Variants in DNER observed in about 807,000 individuals in gnomAD.
DNER encodes the protein delta/notch like EGF repeat containing.
DNER carries 33 observed loss-of-function variants against 78.2 expected under a neutral mutation model. The ratio of observed to expected loss-of-function variants is 0.42; its 90% CI spans 0.32 to 0.56. DNER has a LOEUF of 0.56. DNER is among the 20% of genes least tolerant of loss of function. The pLI is 0.11. For missense variants in DNER, 918 were observed against 975.3 expected, an observed-to-expected ratio of 0.94 and a Z score of 0.78; for synonymous variants, 417 against 384.8, an observed-to-expected ratio of 1.08 and a Z score of -0.98.
chr2:229,681,305 G>C (rs1699383163), intron 1 of DNER, among the ~76,000 whole-genome samples: 1 of 152,166 alleles, frequency 6.6e-6, no homozygotes, highest in Non-Finnish European at 1.5e-5. Context: ...CCACCCCAAG[G>C]TTCTAACACT....
At chr2:229,573,645 T>G (rs1251830501) in intron 4 of DNER, among the ~76,000 whole-genome samples, 1 of 152,146 alleles carries the variant, frequency 6.6e-6, no homozygotes, top group Non-Finnish European at 1.5e-5. Flanking sequence ...TTCAGGAGAT[T>G]GTAGTGGAAA....
At chr2:229,474,136 C>T (rs1441365836) in intron 7 of DNER, among the ~76,000 whole-genome samples, 4 of 152,116 alleles carry the variant, frequency 2.6e-5, no homozygotes, top group African/African-American at 9.7e-5. Flanking sequence ...GTACTCCTGG[C>T]CTGCAGTGAT....
chr2:229,419,509 G>T (rs1247464068), intron 8 of DNER, among the ~76,000 whole-genome samples: 1 of 152,164 alleles, frequency 6.6e-6, no homozygotes, highest in Non-Finnish European at 1.5e-5. Flanking sequence ...AACTCAGAAA[G>T]TCCCATTAGA....
At chr2:229,414,238 C>A (rs1377180594) in intron 9 of DNER, among the ~76,000 whole-genome samples, 1 of 152,132 alleles carries the variant, frequency 6.6e-6, no homozygotes, top group African/African-American at 2.4e-5. Flanking sequence ...TTATTTAAAC[C>A]TAAACCTAAA....
intron 4 of DNER, among the ~76,000 whole-genome samples, chr2:229,565,325 T>G (rs1697084298): frequency 6.6e-6 from 1 of 152,162 alleles, no homozygotes; most frequent in Admixed American, 6.6e-5. Flanking sequence ...TAAAAATTAT[T>G]GCTAGAATTT....
chr2:229,591,467 T>G lies in DNER; in HGVS notation c.585+113A>C. 7.7e-7 allele frequency: 1 copy of G among 1,306,040 alleles called. No individual in the cohort carries two copies. The highest frequency in any genetic ancestry group is 1.0e-6 in the Non-Finnish European group (1 of 969,960). 80.9% of individuals were successfully genotyped at this position (1,306,040 alleles called of 1,614,324 possible). On this transcript the variant is annotated intron_variant, in intron 2 of 12. Transcript: ENST00000341772. This position sits in a 1 kb window ranked among gnomAD's most constrained non-coding sequence, Gnocchi z 4.6. ...AATAAGTTTAGGGAGATATTTTGCT[T>G]CGTGATTTAACTTAAAATGCTTTCA...
At chr2:229,611,316 A>C (rs899731187) in intron 1 of DNER, among the ~76,000 whole-genome samples, 27 of 152,258 alleles carry the variant, frequency 1.8e-4, no homozygotes, top group Non-Finnish European at 3.8e-4. Flanking sequence ...GGCCTGAAGC[A>C]CTATAAAAAA....
intron 6 of DNER, among the ~76,000 whole-genome samples, chr2:229,499,532 A>G (rs1040930742): frequency 1.3e-5 from 2 of 152,046 alleles, no homozygotes; most frequent in East Asian, 1.9e-4. Flanking sequence ...ATCCACATGC[A>G]GAAGAATGAA....
At chr2:229,588,271 C>G (rs1697536417) in intron 3 of DNER, 123 bp downstream of exon 3, 2 of 807,950 alleles carry the variant, frequency 2.5e-6, no homozygotes. Context: ...CACATCTACC[C>G]GTGGAATCTG....
chr2:229,494,471 T>C (rs1230589809), intron 6 of DNER, among the ~76,000 whole-genome samples: 5 of 152,208 alleles, frequency 3.3e-5, no homozygotes, highest in African/African-American at 4.8e-5. Flanking sequence ...TCTAAAACTC[T>C]AGCAAGGCAA....
chr2:229,367,566 A>G (rs1692379083), intron 11 of DNER, among the ~76,000 whole-genome samples: 1 of 152,184 alleles, frequency 6.6e-6, no homozygotes, highest in Non-Finnish European at 1.5e-5. Context: ...GCACCACTGC[A>G]CTCCAGCCTG....
chr2:229,652,882 C>T (rs903841233), intron 1 of DNER, among the ~76,000 whole-genome samples: 39 of 152,282 alleles, frequency 2.6e-4, no homozygotes, highest in Admixed American at 2.5e-3. Flanking sequence ...AAAAGCTGTT[C>T]ACATCCTGCA....
chr2:229,372,049 A>G (rs1370253916), intron 11 of DNER, among the ~76,000 whole-genome samples: 5 of 152,204 alleles, frequency 3.3e-5, no homozygotes, highest in Admixed American at 2.6e-4. Flanking sequence ...TGGAAGAGGA[A>G]TGAATGCGAA....
chr2:229,412,017 ATTT>A (rs534734780), intron 9 of DNER, among the ~76,000 whole-genome samples: 1 of 151,968 alleles, frequency 6.6e-6, no homozygotes, highest in Non-Finnish European at 1.5e-5. Flanking sequence ...TAAAAATCGA[ATTT>A]TTTTTCTAAA....
intron 4 of DNER, among the ~76,000 whole-genome samples, chr2:229,561,818 A>G (rs1353882476): frequency 6.6e-6 from 1 of 152,160 alleles, no homozygotes; most frequent in Admixed American, 6.6e-5. Flanking sequence ...TCTCATGCCT[A>G]TAATAATGGG....
At chr2:229,509,983 G>A (rs1695831371) in intron 6 of DNER, among the ~76,000 whole-genome samples, 2 of 152,106 alleles carry the variant, frequency 1.3e-5, no homozygotes, top group Non-Finnish European at 2.9e-5. Context: ...AAGACTTCCT[G>A]AGAAAAGGGA....
intron 7 of DNER, among the ~76,000 whole-genome samples, chr2:229,456,560 C>T (rs1694578462): frequency 6.6e-6 from 1 of 151,962 alleles, no homozygotes; most frequent in Non-Finnish European, 1.5e-5. Flanking sequence ...CACTTCTGGT[C>T]ACATGGCAAC....
At chr2:229,660,025 A>T (rs1169982812) in intron 1 of DNER, among the ~76,000 whole-genome samples, 1 of 152,176 alleles carries the variant, frequency 6.6e-6, no homozygotes, top group African/African-American at 2.4e-5. Flanking sequence ...GTGTATAGAC[A>T]GAACTCAAAG....
chr2:229,447,790 G>A (rs60500900), intron 7 of DNER, among the ~76,000 whole-genome samples: 4,488 of 151,974 alleles, frequency 0.03, 238 homozygotes, highest in African/African-American at 0.1. Flanking sequence ...ACATACATAC[G>A]TGTACATGAA....
Sources: gnomAD v4.1 joint callset for allele counts (sites outside exome capture counted in the v4.1 genomes callset) on GRCh38, gnomAD v4.1.1 for gene constraint, Gnocchi (gnomAD v3.1) non-coding constraint, MANE v1.5 for transcripts, NCBI Gene and HGNC (gene_info 2026-07-23, HGNC 2026-07-21) for gene names.